The following POC1B variants were observed in gnomAD, a reference collection of about 807,000 sequenced individuals.
The protein encoded by POC1B is POC1 centriolar protein homolog B.
Under a neutral mutation model 60.6 loss-of-function variants are expected in POC1B, and 44 were observed. The ratio of observed to expected loss-of-function variants is 0.73; its 90% CI spans 0.57 to 0.93. The LOEUF is 0.93. Among genes scored for constraint, POC1B ranks in the 40% least tolerant of loss-of-function variants. POC1B has a pLI of 0.00. For synonymous variants in POC1B, 180 were observed against 198.9 expected, an observed-to-expected ratio of 0.90 and a Z score of 0.80; for missense variants, 555 against 572.3, an observed-to-expected ratio of 0.97 and a Z score of 0.31.
chr12:89,482,435 ATT>A (rs1268003457), intron 4 of POC1B, among the ~76,000 whole-genome samples: 1 of 152,180 alleles, frequency 6.6e-6, no homozygotes, highest in Non-Finnish European at 1.5e-5. Flanking sequence ...AAGAACAACA[ATT>A]TTTACAAATA....
chr12:89,524,351 G>T, intron 2 of POC1B: 1 of 1,614,004 alleles, frequency 6.2e-7, no homozygotes, highest in Non-Finnish European at 8.5e-7. Context: ...TCTGCAGGGG[G>T]CTTCTTATAA....
At chr12:89,476,755 TAGATAGAC>T (rs71082494) in intron 4 of POC1B, among the ~76,000 whole-genome samples, 11,123 of 67,030 alleles carry the variant, frequency 0.17, 469 homozygotes, top group Non-Finnish European at 0.19. Context: ...GATAGATAGA[TAGATAGAC>T]AGACAGACAG....
intron 3 of POC1B, among the ~76,000 whole-genome samples, chr12:89,496,522 C>G (rs923763336): frequency 2.0e-5 from 3 of 152,126 alleles, no homozygotes; most frequent in African/African-American, 7.2e-5. Context: ...GCTATTCATT[C>G]TATTTTCATG....
intron 4 of POC1B, among the ~76,000 whole-genome samples, chr12:89,486,886 TTC>T (rs149180232): frequency 2.0e-4 from 29 of 147,180 alleles, no homozygotes; most frequent in Middle Eastern, 3.4e-3. Context: ...AACTCTCTCT[TTC>T]TCTCTCTCTC....
chr12:89,451,032 G>A (rs1417684042), intron 10 of POC1B, among the ~76,000 whole-genome samples: 1 of 152,192 alleles, frequency 6.6e-6, no homozygotes, highest in Non-Finnish European at 1.5e-5. Flanking sequence ...AAAGGCAAGA[G>A]ATTGGATTAT....
At chr12:89,500,749 AATAG>A (rs1436016761) in intron 2 of POC1B, 43 of 1,072,498 alleles carry the variant, frequency 4.0e-5, no homozygotes, top group African/African-American at 2.1e-4. Flanking sequence ...AGAAAATAGA[AATAG>A]ATAGAAATAG....
rs765729797 is a variant in POC1B at position 89,525,157 on chromosome 12, G to A, written c.63C>T (p.Ile21=). Residue 21 remains isoleucine, a synonymous_variant, in exon 2 of 12, where the codon ATC becomes ATT. Transcript: ENST00000313546. ...CGTTGGGGCTGAGGTCCAAGGAGGT[G>A]ATCGCAGCTTTGTGGCCTTTGAAAT... The part of the protein sequence containing the change: ...ERYFKGHKAA[I]TSLDLSPNGK... 1.2e-6 allele frequency: 2 copies of A among 1,614,018 alleles called. No individual in the cohort carries two copies. Among genetic ancestry groups the A allele is most frequent in the Non-Finnish European group, 1.7e-6 (2 of 1,179,888 alleles).
chr12:89,487,286 A>G (rs1020872670), intron 4 of POC1B, among the ~76,000 whole-genome samples: 2 of 152,214 alleles, frequency 1.3e-5, no homozygotes, highest in Admixed American at 1.3e-4. Flanking sequence ...CAAGGGGGCA[A>G]GCTGGTTCCT....
At chr12:89,426,609 C>T (rs1880775073) in intron 10 of POC1B, 1 of 152,144 alleles carries the variant, frequency 6.6e-6, no homozygotes, top group African/African-American at 2.4e-5. Context: ...GGGCGGATCA[C>T]CTGAGGCCAG....
At chr12:89,459,538 G>A (rs1474805425) in intron 10 of POC1B, 100 bp downstream of exon 10, 5 of 614,176 alleles carry the variant, frequency 8.1e-6, no homozygotes, top group East Asian at 3.4e-5. Flanking sequence ...CATAGGCCAC[G>A]TTTTATCTCC....
intron 4 of POC1B, among the ~76,000 whole-genome samples, chr12:89,487,781 C>T (rs1286375392): frequency 2.0e-5 from 3 of 152,138 alleles, no homozygotes; most frequent in Non-Finnish European, 4.4e-5. Flanking sequence ...ACAAATATGC[C>T]ACTGCCTCCT....
Position 89,497,199 on chromosome 12 carries a change from T to G in POC1B, c.244A>C (p.Arg82=). 6.2e-7 allele frequency: 1 copy of G among 1,613,978 alleles called. No homozygotes were observed. Among genetic ancestry groups the G allele is most frequent in the Non-Finnish European group, 8.5e-7 (1 of 1,180,008 alleles). The part of the protein sequence containing the change: ...GNLLASASRD[R]TVRLWIPDKR... The stretch of plus-strand genomic sequence containing the variant: ...TCAGGAATCCAGAGTCTCACGGTTC[T>G]GTCTCGTGAGGCAGACGCCAATAAG... Residue 82 remains arginine (R), a synonymous_variant, in exon 3 of 12, where the codon AGA becomes CGA. Transcript: ENST00000313546.
Position 89,459,620 on chromosome 12 carries a change from A to AAC in POC1B, c.1113+17_1113+18insGT. The AAC allele has an allele frequency of 1.5e-6, 2 of 1,368,052 alleles. No individual in the cohort carries two copies. Among genetic ancestry groups the AAC allele is most frequent in the Non-Finnish European group, 2.0e-6 (2 of 1,009,838 alleles). 84.7% of individuals were successfully genotyped at this position (1,368,052 alleles called of 1,614,324 possible). ...ATGCCACTTAAGTGTCAAAAAAAAA[A>AAC]AAAAAAACCCGACTTACTGTGGTAG... On this transcript the variant is annotated intron_variant, in intron 10 of 11. Transcript: ENST00000313546.
chr12:89,481,182 T>G (rs1032178298), intron 4 of POC1B, among the ~76,000 whole-genome samples: 2 of 152,250 alleles, frequency 1.3e-5, no homozygotes, highest in Non-Finnish European at 2.9e-5. Context: ...ATTGTTTTCT[T>G]GTCAATTTTC....
intron 2 of POC1B, chr12:89,523,333 T>C (rs1178068355): frequency 5.0e-6 from 8 of 1,613,948 alleles, no homozygotes; most frequent in Non-Finnish European, 6.8e-6. Context: ...AATATCACCA[T>C]AAGCTTCTTT....
intron 3 of POC1B, chr12:89,496,945 A>G: frequency 4.0e-6 from 2 of 494,652 alleles, no homozygotes; most frequent in Non-Finnish European, 7.2e-6. Context: ...AAAAAAACTT[A>G]GACATATTAA....
intron 2 of POC1B, chr12:89,523,957 A>G (rs1232765490): frequency 1.2e-6 from 2 of 1,613,638 alleles, no homozygotes; most frequent in Non-Finnish European, 1.7e-6. Flanking sequence ...GGTCCTAATC[A>G]AGCGTACTCT....
At chr12:89,498,045 C>G (rs1303915004) in intron 2 of POC1B, among the ~76,000 whole-genome samples, 1 of 152,132 alleles carries the variant, frequency 6.6e-6, no homozygotes, top group East Asian at 1.9e-4. Context: ...TTAAGATAGT[C>G]TCTTAACACA....
intron 2 of POC1B, among the ~76,000 whole-genome samples, chr12:89,504,998 CCAA>C (rs1176577537): frequency 2.0e-5 from 3 of 151,930 alleles, no homozygotes; most frequent in East Asian, 1.9e-4. Context: ...GGCACACTAC[CCAA>C]CAACAACAAC....
Sources: gnomAD v4.1 joint callset for allele counts (sites outside exome capture counted in the v4.1 genomes callset) on GRCh38, gnomAD v4.1.1 for gene constraint, MANE v1.5 for transcripts, NCBI Gene and HGNC (gene_info 2026-07-23, HGNC 2026-07-21) for gene names.